NEO1: variants seen among roughly 807,000 people sequenced by gnomAD.
The protein encoded by NEO1 is neogenin 1.
Under a neutral mutation model 159.7 loss-of-function variants are expected in NEO1, and 63 were observed. That is an observed-to-expected ratio of 0.39 (90% CI 0.32 to 0.49). The LOEUF (loss-of-function observed/expected upper bound fraction) is 0.49. NEO1 is among the 20% of genes least tolerant of loss of function. The pLI is 0.85. For synonymous variants in NEO1, 633 were observed against 662.0 expected (o/e 0.96, Z 0.67); for missense variants, 1,615 against 1,831.0 (o/e 0.88, Z 2.15).
chr15:73,281,072 GTGGCGGGC>G (rs1192741534), intron 22 of NEO1, among the ~76,000 whole-genome samples: 1 of 151,266 alleles, frequency 6.6e-6, no homozygotes, highest in Non-Finnish European at 1.5e-5. Context: ...GCCGGGCATG[GTGGCGGGC>G]GCCTGTAGTC....
chr15:73,257,924 T>G (rs2150977752), intron 13 of NEO1, among the ~76,000 whole-genome samples: 1 of 152,296 alleles, frequency 6.6e-6, no homozygotes, highest in African/African-American at 2.4e-5. Flanking sequence ...GGCCCAGGCA[T>G]TTTGCTCCTG....
chr15:73,160,519 T>A (rs1484092136), intron 5 of NEO1, among the ~76,000 whole-genome samples: 1 of 152,144 alleles, frequency 6.6e-6, no homozygotes, highest in East Asian at 1.9e-4. Context: ...CCATCTCTCT[T>A]CAGGTGGTAG....
chr15:73,102,585 G>A (rs2070462457), intron 1 of NEO1, among the ~76,000 whole-genome samples: 1 of 152,068 alleles, frequency 6.6e-6, no homozygotes, highest in Non-Finnish European at 1.5e-5. Flanking sequence ...CTAATGAATG[G>A]CTGTGTTTTA....
intron 9 of NEO1, among the ~76,000 whole-genome samples, chr15:73,246,413 A>G (rs2039800822): frequency 6.6e-6 from 1 of 152,224 alleles, no homozygotes; most frequent in Non-Finnish European, 1.5e-5. Context: ...TTCAGACAAG[A>G]GCAGGAATAC....
chr15:73,122,440 G>A (rs970669035), intron 2 of NEO1, 85 bp from the exon 3 acceptor site: 3 of 1,301,166 alleles, frequency 2.3e-6, no homozygotes, highest in Non-Finnish European at 3.2e-6. Context: ...GTAGCCATGT[G>A]AGCTGACTTG....
chr15:73,263,466 A>G (rs1184186682), intron 15 of NEO1, among the ~76,000 whole-genome samples: 1 of 152,176 alleles, frequency 6.6e-6, no homozygotes, highest in Non-Finnish European at 1.5e-5. Flanking sequence ...AAGTGCTGGG[A>G]TTACAGGCGT....
At chr15:73,155,583 C>T (rs1481816610) in intron 5 of NEO1, among the ~76,000 whole-genome samples, 1 of 152,204 alleles carries the variant, frequency 6.6e-6, no homozygotes, top group Admixed American at 6.5e-5. Context: ...TTTCTTTCCC[C>T]TCAGGAATAC....
chr15:73,068,226 C>CT, intron 1 of NEO1, among the ~76,000 whole-genome samples: 1 of 107,784 alleles, frequency 9.3e-6, no homozygotes, highest in Admixed American at 1.0e-4. Flanking sequence ...TCCCCCTACC[C>CT]CCCCCCCTTT....
At chr15:73,214,939 T>C (rs2037791027) in intron 7 of NEO1, among the ~76,000 whole-genome samples, 1 of 152,178 alleles carries the variant, frequency 6.6e-6, no homozygotes, top group African/African-American at 2.4e-5. Context: ...TTTGTTTGTG[T>C]TGTCTGTGAT....
At chr15:73,227,247 G>T (rs2038639757) in intron 7 of NEO1, among the ~76,000 whole-genome samples, 1 of 152,144 alleles carries the variant, frequency 6.6e-6, no homozygotes, top group South Asian at 2.1e-4. Context: ...TGTAATCCCA[G>T]CACTTTGGGA....
At chr15:73,140,219 C>A (rs1164599463) in intron 5 of NEO1, among the ~76,000 whole-genome samples, 3 of 152,114 alleles carry the variant, frequency 2.0e-5, no homozygotes, top group African/African-American at 7.2e-5. Flanking sequence ...GGAGTATACA[C>A]TGACACAATC....
chr15:73,084,142 C>T (rs2069223409), intron 1 of NEO1, among the ~76,000 whole-genome samples: 1 of 151,674 alleles, frequency 6.6e-6, no homozygotes, highest in Non-Finnish European at 1.5e-5. Context: ...TAAAATCTAC[C>T]CTAGAACTTA....
chr15:73,153,279 A>G lies in NEO1; in HGVS notation c.1015+17252A>G, dbSNP rs138590674. Among the ~76,000 whole-genome samples the G allele has an allele frequency of 4.7e-4, 71 of 152,346 alleles. 1 individual carries two copies. In the East Asian group the frequency reaches 0.013, roughly 27 times the overall value. On this transcript the variant is annotated intron_variant, in intron 5 of 28. Coordinates refer to ENST00000261908, the MANE Select transcript of NEO1 (RefSeq NM_002499.4). ...AACACCCTCACAGAGAGGCACAGAA[A>G]TAGTGAGTAACCAGATATCTAGGCA...
intron 7 of NEO1, among the ~76,000 whole-genome samples, chr15:73,198,083 A>G (rs192336759): frequency 1.4e-4 from 22 of 152,164 alleles, no homozygotes; most frequent in African/African-American, 5.3e-4. Context: ...ACCACTTTAT[A>G]CTTACTGTCC....
At chr15:73,101,437 ACTCT>A (rs1278391851) in intron 1 of NEO1, among the ~76,000 whole-genome samples, 2 of 151,330 alleles carry the variant, frequency 1.3e-5, no homozygotes, top group East Asian at 2.0e-4. Flanking sequence ...TCTCTTTCCC[ACTCT>A]CTCTCTGCAG....
chr15:73,073,669 A>C (rs2068640653), intron 1 of NEO1, among the ~76,000 whole-genome samples: 1 of 152,158 alleles, frequency 6.6e-6, no homozygotes, highest in Admixed American at 6.5e-5. Context: ...ACATAAGAAC[A>C]GGTGAATATT....
At chr15:73,194,890 G>C (rs1483451983) in intron 7 of NEO1, among the ~76,000 whole-genome samples, 1 of 152,132 alleles carries the variant, frequency 6.6e-6, no homozygotes, top group Non-Finnish European at 1.5e-5. Context: ...TATGATCTTT[G>C]TTCTACTTAG....
intron 7 of NEO1, among the ~76,000 whole-genome samples, chr15:73,229,754 G>A (rs552703662): frequency 2.2e-4 from 33 of 151,992 alleles, no homozygotes; most frequent in Non-Finnish European, 3.8e-4. Flanking sequence ...ATCATGAATG[G>A]GTGTTTCATT....
chr15:73,181,033 A>G (rs2035579314), intron 7 of NEO1, among the ~76,000 whole-genome samples: 1 of 152,232 alleles, frequency 6.6e-6, no homozygotes, highest in African/African-American at 2.4e-5. Flanking sequence ...GCATAAATAA[A>G]GCAGCATACA....
Sources: allele counts gnomAD v4.1 joint callset (sites outside exome capture counted in the v4.1 genomes callset), GRCh38; gene constraint gnomAD v4.1.1; transcripts MANE v1.5; gene names NCBI Gene and HGNC (gene_info 2026-07-23, HGNC 2026-07-21).